TERF2IP: variants seen among roughly 807,000 people sequenced by gnomAD.
TERF2IP encodes telomeric repeat-binding factor 2-interacting protein 1.
Under a neutral mutation model 33.3 loss-of-function variants are expected in TERF2IP, and 35 were observed. That is an observed-to-expected ratio of 1.05 (90% CI 0.80 to 1.39). The LOEUF (loss-of-function observed/expected upper bound fraction) is 1.39, where lower values mean the gene tolerates loss of function less well. Among genes scored for constraint, TERF2IP ranks in the 40% most tolerant of loss-of-function variants. The pLI, the probability that TERF2IP is intolerant of heterozygous loss-of-function variation, is 0.00. For synonymous variants in TERF2IP, 253 were observed against 223.2 expected (o/e 1.13, Z -1.19); for missense variants, 583 against 524.8 (o/e 1.11, Z -1.08).
chr16:75,649,377 C>T (rs370653762), intron 1 of TERF2IP, among the ~76,000 whole-genome samples: 6 of 152,050 alleles, frequency 3.9e-5, no homozygotes, highest in Admixed American at 3.3e-4. Flanking sequence ...AATGCCGCCC[C>T]TACTAAAAAT....
At chr16:75,650,411 AAG>A (rs1438213553) in intron 1 of TERF2IP, among the ~76,000 whole-genome samples, 2 of 152,242 alleles carry the variant, frequency 1.3e-5, no homozygotes, top group Non-Finnish European at 2.9e-5. Context: ...TGGAGCCACA[AAG>A]AGAACAGAGT....
At position 75,653,373 on chromosome 16, in the gene TERF2IP, G is replaced by A. The variant is rs549432428; in HGVS notation, c.671-900G>A. ...ATCATGAAATTATATTGAATTTTTT[G>A]AGGAACTGCTGTACTCTTTTCCAGT... On this transcript the variant is annotated intron_variant, in intron 1 of 2. Coordinates refer to ENST00000300086, the MANE Select transcript of TERF2IP (RefSeq NM_018975.4). 1.9e-4 allele frequency among the ~76,000 whole-genome samples: 29 copies of A among 151,940 alleles called. No individual in the cohort carries two copies. In the South Asian group the frequency reaches 4.8e-3, roughly 25 times the overall value.
chr16:75,654,334 G>A lies in TERF2IP; in HGVS notation c.732G>A (p.Gln244=), dbSNP rs529870971. ...AAGAGTATGTGAAGGAAGAAATCCA[G>A]GAGAATGAAGAAGCAGTCAAAAAGA... ...PEEEYVKEEI[Q]ENEEAVKKML... is the part of the protein sequence containing the mutation. The change falls in exon 2 of 3, where the codon CAG becomes CAA. Residue 244 remains glutamine, a synonymous_variant. Coordinates refer to ENST00000300086, the MANE Select transcript of TERF2IP (RefSeq NM_018975.4). 1 of 1,613,954 alleles carries A rather than the reference G, an allele frequency of 6.2e-7. No homozygotes were observed. Among genetic ancestry groups the A allele is most frequent in the Admixed American group, 1.7e-5 (1 of 60,020 alleles).
chr16:75,654,119 C>G (rs1456364859), intron 1 of TERF2IP, among the ~76,000 whole-genome samples, 154 bp from the exon 2 acceptor site: 2 of 127,076 alleles, frequency 1.6e-5, no homozygotes, highest in African/African-American at 3.1e-5. Context: ...TTTTACCCTT[C>G]TGAATCAAGA....
chr16:75,654,041 A>G (rs2082365996), intron 1 of TERF2IP, among the ~76,000 whole-genome samples: 3 of 151,596 alleles, frequency 2.0e-5, no homozygotes, highest in South Asian at 2.1e-4. Flanking sequence ...AGAATGTATC[A>G]TTGTTTGGAT....
At position 75,648,111 on chromosome 16, in the gene TERF2IP, G is replaced by A. The variant is rs1428166151; in HGVS notation, c.229G>A (p.Asp77Asn). 4.5e-6 allele frequency: 7 copies of A among 1,558,198 alleles called. No individual in the cohort carries two copies. Among genetic ancestry groups the A allele is most frequent in the Non-Finnish European group, 6.1e-6 (7 of 1,152,344 alleles). Residue 77 changes from aspartate to asparagine, a missense_variant, in exon 1 of 3, where the codon GAT becomes AAT. By Grantham distance (23) the Asp-to-Asn change is conservative. Coordinates refer to ENST00000300086, the MANE Select transcript of TERF2IP (RefSeq NM_018975.4). ...GGAGGCGCTGGCCGAGGCCTCGGGTGATTTCATCTCCACGCAGTACATCCT... is the reference window on the plus strand; with the variant it reads ...GGAGGCGCTGGCCGAGGCCTCGGGTAATTTCATCTCCACGCAGTACATCCT... Reference protein sequence around the residue: ...PGEALAEASGDFISTQYILDC... With the variant: ...PGEALAEASGNFISTQYILDC...
chr16:75,651,956 A>C (rs953196009), intron 1 of TERF2IP, among the ~76,000 whole-genome samples: 2 of 152,234 alleles, frequency 1.3e-5, no homozygotes, highest in Admixed American at 6.5e-5. Flanking sequence ...GGTAATATCC[A>C]AAGTTAGTGT....
intron 1 of TERF2IP, among the ~76,000 whole-genome samples, chr16:75,653,904 C>G (rs2082365141): frequency 6.6e-6 from 1 of 152,122 alleles, no homozygotes; most frequent in South Asian, 2.1e-4. Context: ...CTTTAAATTT[C>G]CATCTCCATC....
intron 1 of TERF2IP, among the ~76,000 whole-genome samples, chr16:75,652,990 C>T (rs944186985): frequency 6.6e-6 from 1 of 152,070 alleles, no homozygotes; most frequent in Non-Finnish European, 1.5e-5. Context: ...TTCTAGATAC[C>T]TCATACAAGT....
At chr16:75,654,696 T>G (rs1302763452) in intron 2 of TERF2IP, among the ~76,000 whole-genome samples, 3 of 152,202 alleles carry the variant, frequency 2.0e-5, no homozygotes, top group Non-Finnish European at 4.4e-5. Flanking sequence ...AGTACTTTAA[T>G]GTCAATATAT....
intron 1 of TERF2IP, 142 bp downstream of exon 1, chr16:75,648,694 C>G (rs538172459): frequency 3.5e-5 from 50 of 1,432,598 alleles, no homozygotes; most frequent in Non-Finnish European, 4.3e-5. Flanking sequence ...TAAATTTGCA[C>G]CATTTTCTTG....
In TERF2IP at chr16:75,657,316, GTTAT is replaced by G. The variant is rs779084742; in HGVS notation, c.*711_*714del. On this transcript the variant is annotated 3_prime_UTR_variant, in exon 3 of 3. Transcript: ENST00000300086. ...AAGAATAATGTTACTTGGTTAATGT[GTTAT>G]TTATTGAGTATTGTTTGTGCTAAGC... 3.9e-5 allele frequency: 6 copies of G among 152,122 alleles called. No individual in the cohort carries two copies. Among genetic ancestry groups the G allele is most frequent in the African/African-American group, 1.2e-4 (5 of 41,418 alleles). The allele number at this position is 152,122 out of a possible 1,614,324, so 9.4% of individuals were successfully genotyped here.
At position 75,647,919 on chromosome 16, in the gene TERF2IP, G is replaced by A. The variant is rs1318626605; in HGVS notation, c.37G>A (p.Gly13Arg). 1.2e-6 allele frequency: 2 copies of A among 1,609,884 alleles called. No homozygotes were observed. Among genetic ancestry groups the A allele is most frequent in the African/African-American group, 1.3e-5 (1 of 74,828 alleles). Reference protein sequence around the residue: ...EAMDLGKDPNGPTHSSTLFVR... With the variant: ...EAMDLGKDPNRPTHSSTLFVR... Reference sequence around the variant, plus strand: ...GATGGATTTGGGCAAAGACCCCAACGGGCCCACCCATTCCTCGACTCTGTT... The same window carrying A: ...GATGGATTTGGGCAAAGACCCCAACAGGCCCACCCATTCCTCGACTCTGTT... The change falls in exon 1 of 3, where the codon GGG (glycine) becomes AGG (arginine). Residue 13 changes from glycine to arginine, a missense_variant. Gly to Arg is a moderately radical substitution (Grantham distance 125, BLOSUM62 -2). Transcript: ENST00000300086.
intron 1 of TERF2IP, 22 bp from the exon 2 acceptor site, chr16:75,654,251 G>T: frequency 6.2e-7 from 1 of 1,600,138 alleles, no homozygotes; most frequent in Non-Finnish European, 8.5e-7. Context: ...TTGCTAATCT[G>T]TGCTGTTCTT....
intron 1 of TERF2IP, among the ~76,000 whole-genome samples, chr16:75,650,146 C>T (rs1045765135): frequency 1.3e-5 from 2 of 152,284 alleles, no homozygotes; most frequent in Non-Finnish European, 2.9e-5. Context: ...AAATAAAAGT[C>T]CCTGTGGTCC....
At chr16:75,650,872 A>G (rs1184965317) in intron 1 of TERF2IP, among the ~76,000 whole-genome samples, 1 of 152,182 alleles carries the variant, frequency 6.6e-6, no homozygotes, top group East Asian at 1.9e-4. Context: ...TGTTGGGGCT[A>G]TTGGCAAGCC....
At position 75,656,056 on chromosome 16, in the gene TERF2IP, A is replaced by G. The variant is rs1567511141; in HGVS notation, c.796-151A>G. ...ATACACATCTGACATGAATAAATGT[A>G]AGAAGGAACACAGCATATTAAGAGG... is the stretch of plus-strand genomic sequence containing the variant. On this transcript the variant is annotated intron_variant, in intron 2 of 2. Coordinates refer to ENST00000300086, the MANE Select transcript of TERF2IP (RefSeq NM_018975.4). 2.6e-6 allele frequency: 2 copies of G among 757,356 alleles called. 1 individual carries two copies. The highest frequency in any genetic ancestry group is 3.6e-5 in the South Asian group (2 of 55,946). 46.9% of individuals were successfully genotyped at this position (757,356 alleles called of 1,614,324 possible).
chr16:75,653,064 T>C (rs989874454), intron 1 of TERF2IP, among the ~76,000 whole-genome samples: 1 of 152,250 alleles, frequency 6.6e-6, no homozygotes, highest in Admixed American at 6.5e-5. Flanking sequence ...ATCTTCAAAG[T>C]TCATCCATAT....
rs201151665 is a variant in TERF2IP at position 75,647,967 on chromosome 16, A to T, written c.85A>T (p.Met29Leu). The T allele has an allele frequency of 5.8e-5, 93 of 1,613,766 alleles. No homozygotes were observed. In the Middle Eastern group the frequency reaches 1.2e-3, roughly 20 times the overall value. The stretch of plus-strand genomic sequence containing the variant: ...GTTCGTGAGGGACGACGGCAGCTCC[A>T]TGTCCTTCTACGTGCGGCCCAGCCC... ...TLFVRDDGSSMSFYVRPSPAK... is the reference protein window; with the variant it reads ...TLFVRDDGSSLSFYVRPSPAK... Residue 29 changes from methionine (M) to leucine (L), a missense_variant, in exon 1 of 3, where the codon ATG becomes TTG. Transcript: ENST00000300086.
Sources: gnomAD v4.1 joint callset for allele counts (sites outside exome capture counted in the v4.1 genomes callset) on GRCh38, gnomAD v4.1.1 for gene constraint, MANE v1.5 for transcripts, NCBI Gene and HGNC (gene_info 2026-07-23, HGNC 2026-07-21) for gene names.